Variants in GPATCH2 observed in about 807,000 individuals in gnomAD.
The protein encoded by GPATCH2 is G-patch domain containing 2.
GPATCH2 carries 51 observed loss-of-function variants against 58.0 expected under a neutral mutation model. That is an observed-to-expected ratio of 0.88 (90% confidence interval 0.70 to 1.11). GPATCH2 has a LOEUF of 1.11. Ranked by LOEUF, GPATCH2 falls within the 50% of genes most tolerant of loss-of-function variation. The pLI is 0.00. For synonymous variants in GPATCH2, 222 were observed against 218.5 expected (o/e 1.02, Z -0.14); for missense variants, 625 against 652.2 (o/e 0.96, Z 0.45).
chr1:217,598,433 A>T (rs1667956466), intron 5 of GPATCH2, among the ~76,000 whole-genome samples: 1 of 151,410 alleles, frequency 6.6e-6, no homozygotes, highest in African/African-American at 2.4e-5. Flanking sequence ...CCCGGTAAAT[A>T]ACCATCAACA....
At chr1:217,619,511 C>T (rs1050251200) in intron 2 of GPATCH2, among the ~76,000 whole-genome samples, 1 of 152,122 alleles carries the variant, frequency 6.6e-6, no homozygotes, top group Non-Finnish European at 1.5e-5. Flanking sequence ...AAAGCACATT[C>T]TTTTCCACTG....
intron 5 of GPATCH2, among the ~76,000 whole-genome samples, chr1:217,575,716 C>G (rs1186191710): frequency 6.6e-6 from 1 of 152,046 alleles, no homozygotes; most frequent in Non-Finnish European, 1.5e-5. Flanking sequence ...TGTGTAAAGA[C>G]CTGCTCTAGA....
intron 6 of GPATCH2, chr1:217,498,751 A>G (rs1662139719): frequency 1.1e-5 from 4 of 353,660 alleles, no homozygotes; most frequent in South Asian, 9.2e-5. Context: ...ATTACAACAC[A>G]TTATGACCCT....
At chr1:217,503,464 GA>G (rs984130401) in intron 6 of GPATCH2, among the ~76,000 whole-genome samples, 2 of 151,594 alleles carry the variant, frequency 1.3e-5, no homozygotes, top group South Asian at 2.1e-4. Flanking sequence ...TTTTGGAAAG[GA>G]AAAAAAACCT....
At position 217,431,019 on chromosome 1, in the gene GPATCH2, A is replaced by G. The variant is rs1658507999; in HGVS notation, c.*126T>C. On this transcript the variant is annotated 3_prime_UTR_variant, in exon 10 of 10. Coordinates refer to ENST00000366935, the MANE Select transcript of GPATCH2 (RefSeq NM_018040.5). ...TCACTATGGCAGGACTGTATGCAGT[A>G]AGGAAGCTAGAGTGATGTGTTTGAG... The G allele has an allele frequency of 1.2e-5, 8 of 687,230 alleles. No homozygotes were observed. The Admixed American group carries it at 1.7e-4, about 15-fold the overall frequency. 42.6% of individuals were successfully genotyped at this position (687,230 alleles called of 1,614,324 possible).
At chr1:217,489,434 G>A (rs1661612974) in intron 8 of GPATCH2, among the ~76,000 whole-genome samples, 1 of 152,116 alleles carries the variant, frequency 6.6e-6, no homozygotes, top group Non-Finnish European at 1.5e-5. Context: ...ACAATTCAAG[G>A]ACCTTACATT....
At chr1:217,467,286 A>G (rs1660506572) in intron 8 of GPATCH2, among the ~76,000 whole-genome samples, 1 of 152,344 alleles carries the variant, frequency 6.6e-6, no homozygotes, top group Middle Eastern at 3.4e-3. Flanking sequence ...GGATCCCATG[A>G]GTATTTTTAT....
chr1:217,554,885 CCCT>C (rs1472044021), intron 5 of GPATCH2, among the ~76,000 whole-genome samples: 6 of 152,126 alleles, frequency 3.9e-5, no homozygotes, highest in Admixed American at 6.6e-5. Flanking sequence ...ACAAACTTTT[CCCT>C]GCAAAATAGT....
At chr1:217,560,021 G>C (rs1345921033) in intron 5 of GPATCH2, among the ~76,000 whole-genome samples, 1 of 152,102 alleles carries the variant, frequency 6.6e-6, no homozygotes, top group Non-Finnish European at 1.5e-5. Flanking sequence ...GCTAATTTTT[G>C]TATTTTTAGT....
chr1:217,610,836 T>C, intron 4 of GPATCH2, 53 bp downstream of exon 4: 2 of 1,240,930 alleles, frequency 1.6e-6, no homozygotes, highest in South Asian at 1.3e-5. Flanking sequence ...GAATGAATAT[T>C]CCTAGACTGA....
intron 9 of GPATCH2, among the ~76,000 whole-genome samples, chr1:217,446,575 T>C (rs1208149372): frequency 1.3e-5 from 2 of 152,140 alleles, no homozygotes; most frequent in African/African-American, 4.8e-5. Context: ...CAGTTATGCA[T>C]AGATTTTAAA....
intron 5 of GPATCH2, among the ~76,000 whole-genome samples, chr1:217,596,991 C>T (rs994476072): frequency 6.6e-6 from 1 of 152,080 alleles, no homozygotes; most frequent in African/African-American, 2.4e-5. Context: ...AAAGGTACAA[C>T]TCCACAAGGA....
intron 8 of GPATCH2, among the ~76,000 whole-genome samples, chr1:217,465,091 A>C (rs970428187): frequency 6.6e-6 from 1 of 152,014 alleles, no homozygotes; most frequent in Non-Finnish European, 1.5e-5. Context: ...AAGCAATTAG[A>C]AATAAAAGGA....
chr1:217,567,932 T>A (rs182176527), intron 5 of GPATCH2, among the ~76,000 whole-genome samples: 2 of 152,092 alleles, frequency 1.3e-5, no homozygotes, highest in Admixed American at 6.5e-5. Flanking sequence ...CTGGCTAACA[T>A]GGTGAAACCC....
At chr1:217,597,885 G>T (rs1350855042) in intron 5 of GPATCH2, among the ~76,000 whole-genome samples, 2 of 152,106 alleles carry the variant, frequency 1.3e-5, no homozygotes, top group African/African-American at 4.8e-5. Context: ...CCAACCAAAA[G>T]GTCTAGCAAG....
At chr1:217,490,669 T>C (rs902094350) in intron 8 of GPATCH2, among the ~76,000 whole-genome samples, 3 of 152,242 alleles carry the variant, frequency 2.0e-5, no homozygotes, top group Non-Finnish European at 4.4e-5. Context: ...TCACTTCTTA[T>C]TGATTCATTT....
At chr1:217,499,745 T>A (rs1381302596) in intron 6 of GPATCH2, among the ~76,000 whole-genome samples, 1 of 151,936 alleles carries the variant, frequency 6.6e-6, no homozygotes, top group Admixed American at 6.6e-5. Flanking sequence ...TTTTTTTTTT[T>A]TTATTTAAAG....
intron 5 of GPATCH2, among the ~76,000 whole-genome samples, chr1:217,524,490 T>C (rs541835771): frequency 1.2e-3 from 175 of 151,980 alleles, no homozygotes; most frequent in African/African-American, 3.4e-3. Context: ...ATCTCGGCTC[T>C]TTAGGAGGCC....
chr1:217,553,120 G>A (rs529395246), intron 5 of GPATCH2, among the ~76,000 whole-genome samples: 33 of 151,676 alleles, frequency 2.2e-4, no homozygotes, highest in Non-Finnish European at 3.7e-4. Flanking sequence ...ATAGTTATAC[G>A]ATCATTTCCC....
Sources: allele counts gnomAD v4.1 joint callset (sites outside exome capture counted in the v4.1 genomes callset), GRCh38; gene constraint gnomAD v4.1.1; transcripts MANE v1.5; gene names NCBI Gene and HGNC (gene_info 2026-07-23, HGNC 2026-07-21).